DPYSL3: variants seen among roughly 807,000 people sequenced by gnomAD.
The protein encoded by DPYSL3 is dihydropyrimidinase-related protein 3.
In DPYSL3, 16 loss-of-function variants were observed where a neutral mutation model predicts 66.1. The observed-to-expected ratio is 0.24, with a 90% CI of 0.16 to 0.37. The LOEUF is 0.37. Ranked by LOEUF, DPYSL3 falls within the 10% of genes least tolerant of loss-of-function variation. The pLI, the probability that DPYSL3 is intolerant of heterozygous loss-of-function variation, is 1.00. For synonymous variants in DPYSL3, 338 were observed against 345.1 expected (o/e 0.98, Z 0.23); for missense variants, 738 against 916.2 (o/e 0.81, Z 2.51).
intron 1 of DPYSL3, among the ~76,000 whole-genome samples, chr5:147,506,075 A>C (rs1051644832): frequency 5.6e-4 from 86 of 152,294 alleles, no homozygotes; most frequent in African/African-American, 2.1e-3. Flanking sequence ...CCTTTTGAGC[A>C]CTATTTAGTA....
At position 147,509,800 on chromosome 5, in the gene DPYSL3, A is replaced by T; in HGVS notation, c.59T>A (p.Leu20Gln). The T allele has an allele frequency of 6.5e-7, 1 of 1,535,922 alleles. No homozygotes were observed. The highest frequency in any genetic ancestry group is 8.7e-7 in the Non-Finnish European group (1 of 1,146,766). Reference protein sequence around the residue: ...SSHEDDLPVYLARPGTTDQVP... With the variant: ...SSHEDDLPVYQARPGTTDQVP... The stretch of plus-strand genomic sequence containing the variant: ...CTGGTCCGTGGTGCCCGGCCTGGCC[A>T]GGTACACGGGCAGATCGTCTTCGTG... Residue 20 changes from leucine to glutamine, a missense_variant, in exon 1 of 14, where the codon CTG becomes CAG. Physicochemically the swap from Leu to Gln is moderately radical, Grantham distance 113. Transcript: ENST00000343218. The surrounding 1 kb of genome is among the most constrained non-coding windows in gnomAD (Gnocchi z 5.3).
chr5:147,397,752 G>T lies in DPYSL3; in HGVS notation c.1717C>A (p.Leu573Met), dbSNP rs747367486. Residue 573 changes from leucine (L) to methionine (M), a missense_variant, in exon 12 of 14, where the codon CTG becomes ATG. Physicochemically the swap from Leu to Met is conservative, Grantham distance 15. Transcript: ENST00000343218. ...CGGCCAGCCCCCTGGGTCACGTGCA[G>T]GTTGCCATCTTCCAGCATGATCTTG... ...QGKIMLEDGN[L>M]HVTQGAGRFI... is the part of the protein sequence containing the mutation. 6.2e-7 allele frequency: 1 copy of T among 1,614,194 alleles called. No individual in the cohort carries two copies. The highest frequency in any genetic ancestry group is 8.5e-7 in the Non-Finnish European group (1 of 1,180,044).
chr5:147,481,107 T>C (rs1221127248), intron 1 of DPYSL3, among the ~76,000 whole-genome samples: 1 of 152,202 alleles, frequency 6.6e-6, no homozygotes, highest in Non-Finnish European at 1.5e-5. Context: ...TTTCATAAAA[T>C]TCAGAGAGGA....
At chr5:147,471,426 A>G (rs1313340864) in intron 1 of DPYSL3, among the ~76,000 whole-genome samples, 1 of 152,158 alleles carries the variant, frequency 6.6e-6, no homozygotes, top group East Asian at 1.9e-4. Context: ...TATTTACATT[A>G]GTTTCCTCTC....
chr5:147,405,862 T>C, intron 7 of DPYSL3, 132 bp from the exon 8 acceptor site: 3 of 1,199,508 alleles, frequency 2.5e-6, no homozygotes, highest in African/African-American at 1.5e-5. Context: ...TGGAATTAGA[T>C]AGCCTATATC....
At chr5:147,427,333 A>T (rs961379851) in intron 1 of DPYSL3, among the ~76,000 whole-genome samples, 1 of 152,202 alleles carries the variant, frequency 6.6e-6, no homozygotes, top group Admixed American at 6.5e-5. Flanking sequence ...GGAACAATGT[A>T]TCTTTTGATA....
At chr5:147,467,025 T>A (rs1753019980) in intron 1 of DPYSL3, among the ~76,000 whole-genome samples, 1 of 152,094 alleles carries the variant, frequency 6.6e-6, no homozygotes, top group Non-Finnish European at 1.5e-5. Context: ...TGATCCCAAA[T>A]AAGACCCTAG....
Position 147,408,588 on chromosome 5 carries a change from CG to C in DPYSL3, c.1032+139del, listed in dbSNP as rs1472409397. The C allele has an allele frequency of 3.1e-5, 25 of 796,280 alleles. No homozygotes were observed. In the African/African-American group the frequency reaches 4.3e-4, roughly 14 times the overall value. The allele number at this position is 796,280 out of a possible 1,614,324, so 49.3% of individuals were successfully genotyped here. On this transcript the variant is annotated intron_variant, in intron 7 of 13. Transcript: ENST00000343218. The stretch of plus-strand genomic sequence containing the variant: ...CTTACATTCCTTTCTAATTTTCTCA[CG>C]GGCTCCTGAGTTAGAGTCAATCAGA...
chr5:147,435,316 G>A (rs2067252956), intron 1 of DPYSL3, among the ~76,000 whole-genome samples: 1 of 152,148 alleles, frequency 6.6e-6, no homozygotes, highest in Non-Finnish European at 1.5e-5. Context: ...CTGAAAACAG[G>A]TAGAAGCTTT....
chr5:147,394,986 C>T (rs1757926434), intron 13 of DPYSL3, among the ~76,000 whole-genome samples: 2 of 152,114 alleles, frequency 1.3e-5, no homozygotes, highest in African/African-American at 4.8e-5. Context: ...TATGGAGCAA[C>T]TGAATGATTA....
intron 1 of DPYSL3, among the ~76,000 whole-genome samples, chr5:147,445,940 T>G (rs762133707): frequency 2.0e-5 from 3 of 152,200 alleles, no homozygotes; most frequent in Non-Finnish European, 4.4e-5. Context: ...GCACAAAATC[T>G]ATTAATTAAG....
chr5:147,403,057 TC>T (rs1281858708), intron 8 of DPYSL3, among the ~76,000 whole-genome samples: 1 of 152,206 alleles, frequency 6.6e-6, no homozygotes, highest in African/African-American at 2.4e-5. Flanking sequence ...TCAACTCCAT[TC>T]AACTGGTAAT....
At chr5:147,461,864 G>T (rs906493945) in intron 1 of DPYSL3, among the ~76,000 whole-genome samples, 1 of 152,026 alleles carries the variant, frequency 6.6e-6, no homozygotes, top group Non-Finnish European at 1.5e-5. Flanking sequence ...CAACTTCCAC[G>T]TTGGTTTCTT....
At chr5:147,443,276 T>C (rs760789100) in intron 1 of DPYSL3, among the ~76,000 whole-genome samples, 2 of 152,174 alleles carry the variant, frequency 1.3e-5, no homozygotes, top group Non-Finnish European at 2.9e-5. Context: ...GTGGTACATA[T>C]ACACCATGGA....
At chr5:147,493,440 G>T (rs1753446602) in intron 1 of DPYSL3, among the ~76,000 whole-genome samples, 1 of 152,132 alleles carries the variant, frequency 6.6e-6, no homozygotes, top group Non-Finnish European at 1.5e-5. Flanking sequence ...GGATGTGCTG[G>T]TGCACACGTG....
rs1757872992 is a variant in DPYSL3, at chr5:147,393,420, T to C, written c.*615A>G. 1 of 152,356 alleles carries C rather than the reference T, an allele frequency of 6.6e-6. No individual in the cohort carries two copies. The highest frequency in any genetic ancestry group is 1.5e-5 in the Non-Finnish European group (1 of 68,084). The allele number at this position is 152,356 out of a possible 1,614,324, so 9.4% of individuals were successfully genotyped here. On this transcript the variant is annotated 3_prime_UTR_variant, in exon 14 of 14. Coordinates refer to ENST00000343218, the MANE Select transcript of DPYSL3 (RefSeq NM_001197294.2). ...CGTTCAAAGAAACAAAATTTACTTGTAGGGGACGTGACAAAGAACAGAACC... is the reference window on the plus strand; with the variant it reads ...CGTTCAAAGAAACAAAATTTACTTGCAGGGGACGTGACAAAGAACAGAACC...
intron 1 of DPYSL3, among the ~76,000 whole-genome samples, chr5:147,504,721 C>T (rs1753660961): frequency 6.6e-6 from 1 of 152,162 alleles, no homozygotes; most frequent in Non-Finnish European, 1.5e-5. Context: ...TCCCTCTGCA[C>T]CCAGAGCCCT....
intron 2 of DPYSL3, among the ~76,000 whole-genome samples, chr5:147,420,777 C>T (rs6897123): frequency 0.15 from 22,104 of 152,196 alleles, 4,604 homozygotes; most frequent in African/African-American, 0.46. Flanking sequence ...TTAAATTCCT[C>T]CTACAACATC....
intron 1 of DPYSL3, among the ~76,000 whole-genome samples, chr5:147,468,326 G>T (rs1045715078): frequency 6.6e-6 from 1 of 152,306 alleles, no homozygotes; most frequent in South Asian, 2.1e-4. Context: ...CTAGCTTTAA[G>T]AAACCACTAT....
Sources: gnomAD v4.1 joint callset for allele counts (sites outside exome capture counted in the v4.1 genomes callset) on GRCh38, gnomAD v4.1.1 for gene constraint, Gnocchi (gnomAD v3.1) non-coding constraint, MANE v1.5 for transcripts, NCBI Gene and HGNC (gene_info 2026-07-23, HGNC 2026-07-21) for gene names.